MDGA2: variants seen among roughly 807,000 people sequenced by gnomAD.
MDGA2 encodes MAM domain-containing glycosylphosphatidylinositol anchor protein 2.
Under a neutral mutation model 117.8 loss-of-function variants are expected in MDGA2, and 40 were observed. That is an observed-to-expected ratio of 0.34 (90% CI 0.26 to 0.44). The LOEUF is 0.44. MDGA2 is among the 20% of genes least tolerant of loss of function. MDGA2 has a pLI of 1.00. For synonymous variants in MDGA2, 452 were observed against 439.0 expected (o/e 1.03, Z -0.37); for missense variants, 1,123 against 1,250.6 (o/e 0.90, Z 1.54).
chr14:47,088,706 C>T (rs542547230), intron 6 of MDGA2, among the ~76,000 whole-genome samples: 2 of 152,172 alleles, frequency 1.3e-5, no homozygotes, highest in Admixed American at 1.3e-4. Context: ...ACAGTGAGTG[C>T]CCAGTTGTAA....
intron 1 of MDGA2, among the ~76,000 whole-genome samples, chr14:47,422,745 AAT>A (rs1295675350): frequency 1.3e-5 from 2 of 152,188 alleles, no homozygotes; most frequent in African/African-American, 4.8e-5. Flanking sequence ...TTTCATGAAG[AAT>A]ATGTTTGTTC....
intron 8 of MDGA2, among the ~76,000 whole-genome samples, chr14:46,979,341 A>G (rs1440235736): frequency 1.3e-5 from 2 of 152,088 alleles, no homozygotes; most frequent in Non-Finnish European, 2.9e-5. Flanking sequence ...AACAGTGTTG[A>G]AATTAGGCCA....
intron 1 of MDGA2, among the ~76,000 whole-genome samples, chr14:47,534,361 G>C (rs1895162847): frequency 6.6e-6 from 1 of 152,170 alleles, no homozygotes; most frequent in African/African-American, 2.4e-5. Context: ...AGCTGTATTA[G>C]TCCATTCTCA....
At chr14:46,991,707 A>C (rs1344143450) in intron 8 of MDGA2, among the ~76,000 whole-genome samples, 3 of 152,148 alleles carry the variant, frequency 2.0e-5, no homozygotes, top group Non-Finnish European at 4.4e-5. Context: ...CATTCACTGA[A>C]ACTAAAACTT....
Position 46,844,369 on chromosome 14 carries a change from C to T in MDGA2, c.2989+1397G>A, listed in dbSNP as rs1880734565. Among the ~76,000 whole-genome samples, 6 of 152,040 alleles carry T rather than the reference C, an allele frequency of 3.9e-5. No individual in the cohort carries two copies. In the South Asian group the frequency reaches 1.0e-3, roughly 26 times the overall value. On this transcript the variant is annotated intron_variant, in intron 16 of 16. Transcript: ENST00000399232. ...CCGAGGCAGGTGGACCACCTGAGGT[C>T]GGGAGTTCGAGACCAGCCTGGCCAA...
intron 1 of MDGA2, among the ~76,000 whole-genome samples, chr14:47,574,805 A>C (rs1896086708): frequency 6.6e-6 from 1 of 152,180 alleles, no homozygotes; most frequent in Non-Finnish European, 1.5e-5. Flanking sequence ...GGCACTAAAG[A>C]GCAAATAATC....
At chr14:47,315,643 CA>C in intron 1 of MDGA2, among the ~76,000 whole-genome samples, 1 of 151,996 alleles carries the variant, frequency 6.6e-6, no homozygotes, top group Non-Finnish European at 1.5e-5. Context: ...ATTTGTGTAG[CA>C]AATAAGACAA....
At chr14:47,666,639 A>G (rs1251527651) in intron 1 of MDGA2, among the ~76,000 whole-genome samples, 1 of 152,204 alleles carries the variant, frequency 6.6e-6, no homozygotes, top group Admixed American at 6.5e-5. Flanking sequence ...TGGACAAATC[A>G]GCAGGATGTG....
chr14:47,292,881 C>A (rs959729611), intron 2 of MDGA2, among the ~76,000 whole-genome samples: 18 of 152,176 alleles, frequency 1.2e-4, no homozygotes, highest in African/African-American at 4.3e-4. Context: ...GATATATTAT[C>A]CATTGTCATA....
chr14:47,359,348 G>C (rs1401959581), intron 1 of MDGA2, among the ~76,000 whole-genome samples: 2 of 151,790 alleles, frequency 1.3e-5, no homozygotes, highest in African/African-American at 2.4e-5. Context: ...GCGAGACTCT[G>C]TCTCAAAAAC....
chr14:47,081,571 T>C (rs1248344154), intron 6 of MDGA2, among the ~76,000 whole-genome samples: 2 of 152,138 alleles, frequency 1.3e-5, no homozygotes, highest in South Asian at 2.1e-4. Context: ...CTAGAGTTTA[T>C]TCATCTAGAA....
At chr14:47,435,003 G>C (rs575864397) in intron 1 of MDGA2, among the ~76,000 whole-genome samples, 1 of 152,052 alleles carries the variant, frequency 6.6e-6, no homozygotes, top group Non-Finnish European at 1.5e-5. Context: ...AGGTGTGGTA[G>C]TGCATGCCTG....
chr14:46,944,596 C>T lies in MDGA2; in HGVS notation c.2089+12778G>A, dbSNP rs138550473. 6.6e-5 allele frequency among the ~76,000 whole-genome samples: 10 copies of T among 151,912 alleles called. No homozygotes were observed. In the South Asian group the frequency reaches 2.1e-3, roughly 32 times the overall value. ...CTGTTTTCAACTATTTTATATTGTG[C>T]CCCATGTTCTTAGGTCCCTTCTCTT... On this transcript the variant is annotated intron_variant, in intron 9 of 16. Coordinates refer to ENST00000399232, the MANE Select transcript of MDGA2 (RefSeq NM_001113498.3).
chr14:47,096,846 A>T lies in MDGA2; in HGVS notation c.1195+8T>A. 6.2e-7 allele frequency: 1 copy of T among 1,610,580 alleles called. No individual in the cohort carries two copies. The highest frequency in any genetic ancestry group is 8.5e-7 in the Non-Finnish European group (1 of 1,177,230). On this transcript the variant is annotated splice_region_variant and intron_variant, in intron 6 of 16. Coordinates refer to ENST00000399232, the MANE Select transcript of MDGA2 (RefSeq NM_001113498.3). Reference sequence around the variant, plus strand: ...ATCTACGTTGTAACATTCTTTCAGCAAACTTACCTCTCACAATGATGTTGG... The same window carrying T: ...ATCTACGTTGTAACATTCTTTCAGCTAACTTACCTCTCACAATGATGTTGG...
At chr14:46,942,527 T>C (rs993297737) in intron 9 of MDGA2, among the ~76,000 whole-genome samples, 30 of 152,288 alleles carry the variant, frequency 2.0e-4, no homozygotes, top group African/African-American at 5.3e-4. Flanking sequence ...TTCCCATCTC[T>C]GCAGAAAGTT....
chr14:47,044,478 T>A (rs548157425), intron 7 of MDGA2, among the ~76,000 whole-genome samples: 59 of 152,178 alleles, frequency 3.9e-4, no homozygotes, highest in Non-Finnish European at 7.9e-4. Context: ...ATCTATATTC[T>A]AAGACTTGTA....
At chr14:47,468,571 T>C (rs1176841936) in intron 1 of MDGA2, among the ~76,000 whole-genome samples, 1 of 152,154 alleles carries the variant, frequency 6.6e-6, no homozygotes, top group Admixed American at 6.6e-5. Context: ...TAAACGACAC[T>C]TAATAAGTCA....
At position 47,059,304 on chromosome 14, in the gene MDGA2, T is replaced by A. The variant is rs1156614546; in HGVS notation, c.1525+1945A>T. On this transcript the variant is annotated intron_variant, in intron 7 of 16. Coordinates refer to ENST00000399232, the MANE Select transcript of MDGA2 (RefSeq NM_001113498.3). ...ATTCTATGGAGAAACCACATCTATC[T>A]GTAGTTAAGTGGGTACTTTCCAGGG... 4 of 1,267,436 alleles carry A rather than the reference T, an allele frequency of 3.2e-6. No homozygotes were observed. In the African/African-American group the frequency reaches 6.1e-5, roughly 19 times the overall value. 78.5% of individuals were successfully genotyped at this position (1,267,436 alleles called of 1,614,324 possible).
At chr14:47,055,868 A>G (rs1889656515) in intron 7 of MDGA2, among the ~76,000 whole-genome samples, 1 of 152,104 alleles carries the variant, frequency 6.6e-6, no homozygotes, top group African/African-American at 2.4e-5. Flanking sequence ...AATATTTACT[A>G]TCCAGCCCTT....
Sources: allele counts gnomAD v4.1 joint callset (sites outside exome capture counted in the v4.1 genomes callset), GRCh38; gene constraint gnomAD v4.1.1; transcripts MANE v1.5; gene names NCBI Gene and HGNC (gene_info 2026-07-23, HGNC 2026-07-21).